Variants in FABP12 observed in about 807,000 individuals in gnomAD.
FABP12 encodes the protein fatty acid binding protein 12, also known as fatty acid-binding protein 12.
In FABP12, 19 loss-of-function variants were observed where a neutral mutation model predicts 13.7. The observed-to-expected ratio is 1.39, with a 90% CI of 0.97 to 2.04. FABP12 has a LOEUF of 2.04. Among genes scored for constraint, FABP12 ranks in the 30% most tolerant of loss-of-function variants. FABP12 has a pLI of 0.00. For synonymous variants in FABP12, 61 were observed against 57.0 expected, an observed-to-expected ratio of 1.07 and a Z score of -0.32; for missense variants, 182 against 164.2, an observed-to-expected ratio of 1.11 and a Z score of -0.59.
At chr8:81,539,007 C>G (rs1018214622) in intron 2 of FABP12, among the ~76,000 whole-genome samples, 1 of 152,044 alleles carries the variant, frequency 6.6e-6, no homozygotes, top group South Asian at 2.1e-4. Flanking sequence ...CACCACCACA[C>G]CCAGCTAATT....
chr8:81,575,563 C>A (rs1430495422), intron 1 of FABP12, among the ~76,000 whole-genome samples: 1 of 152,024 alleles, frequency 6.6e-6, no homozygotes, highest in African/African-American at 2.4e-5. Flanking sequence ...ATTGAAGTCC[C>A]CCACTATTAT....
chr8:81,581,607 C>T (rs532463552), intron 1 of FABP12, among the ~76,000 whole-genome samples: 1 of 152,082 alleles, frequency 6.6e-6, no homozygotes, highest in African/African-American at 2.4e-5. Flanking sequence ...TATAAAAGAA[C>T]CCCCATCAGA....
At chr8:81,558,102 A>G (rs1809652695) in intron 1 of FABP12, among the ~76,000 whole-genome samples, 1 of 152,188 alleles carries the variant, frequency 6.6e-6, no homozygotes, top group African/African-American at 2.4e-5. Context: ...CATGAGCATT[A>G]TTATTGGCAA....
upstream of FABP12, among the ~76,000 whole-genome samples, chr8:81,536,762 G>C (rs1809231943): frequency 6.6e-6 from 1 of 152,160 alleles, no homozygotes; most frequent in South Asian, 2.1e-4. Context: ...TCAGGGGTTG[G>C]CAAACTATGA....
At chr8:81,589,813 T>C (rs76654266) in intron 1 of FABP12, among the ~76,000 whole-genome samples, 3,839 of 152,240 alleles carry the variant, frequency 0.025, 127 homozygotes, top group African/African-American at 0.077. Context: ...TGGCTCTGAG[T>C]GGTCTCTCTC....
At chr8:81,539,445 T>A in intron 2 of FABP12, among the ~76,000 whole-genome samples, 1 of 143,070 alleles carries the variant, frequency 7.0e-6, no homozygotes, top group South Asian at 2.2e-4. Context: ...TTTTTTTTTT[T>A]TTTTTTTTTT....
chr8:81,538,759 G>T (rs749640934), upstream of FABP12, among the ~76,000 whole-genome samples: 8 of 152,154 alleles, frequency 5.3e-5, no homozygotes, highest in Non-Finnish European at 1.0e-4. Context: ...GCAATTTGTT[G>T]TGGCAACCCC....
At chr8:81,543,183 A>G (rs1809379935) in intron 1 of FABP12, among the ~76,000 whole-genome samples, 1 of 152,220 alleles carries the variant, frequency 6.6e-6, no homozygotes, top group South Asian at 2.1e-4. Flanking sequence ...TGGCTTTGTG[A>G]TCATACATGT....
At chr8:81,538,251 A>G (rs535010537), upstream of FABP12, among the ~76,000 whole-genome samples, 13 of 152,186 alleles carry the variant, frequency 8.5e-5, no homozygotes, top group Non-Finnish European at 1.9e-4. Context: ...ACCAGGCCCC[A>G]CCTCCAACAC....
chr8:81,585,793 C>A (rs11985644), intron 1 of FABP12, among the ~76,000 whole-genome samples: 2,908 of 152,130 alleles, frequency 0.019, 63 homozygotes, highest in African/African-American at 0.056. Flanking sequence ...TCATTAACTT[C>A]TTTGATTAAA....
At chr8:81,529,957 C>G (rs1809021011) in intron 2 of FABP12, among the ~76,000 whole-genome samples, 1 of 152,188 alleles carries the variant, frequency 6.6e-6, no homozygotes. Context: ...TCAACTATCT[C>G]CCTATTTTAA....
In FABP12 at chr8:81,531,248, T is replaced by A. The variant is rs777417032; in HGVS notation, c.68A>T (p.Glu23Val). 13 of 1,605,394 alleles carry A rather than the reference T, an allele frequency of 8.1e-6. No homozygotes were observed. In the Admixed American group the frequency reaches 2.2e-4, roughly 27 times the overall value. ...TGCAAGTAAACATAGCTCACCCAGC[T>A]CCTTCATGTAGTCTTCGGAATTTTC... The change falls in exon 2 of 5, where the codon GAG becomes GTG. Residue 23 changes from glutamate to valine, a missense_variant. Coordinates refer to ENST00000360464, the Ensembl canonical transcript of FABP12.
At chr8:81,571,049 C>T (rs1187584427) in intron 1 of FABP12, among the ~76,000 whole-genome samples, 1 of 39,602 alleles carries the variant, frequency 2.5e-5, no homozygotes, top group Non-Finnish European at 4.9e-5. Context: ...CACCCTCAGG[C>T]CCCCACTCAG....
chr8:81,539,537 G>A (rs937401968), intron 2 of FABP12, among the ~76,000 whole-genome samples: 10 of 137,214 alleles, frequency 7.3e-5, no homozygotes, highest in Admixed American at 3.3e-4. Flanking sequence ...CATCTTTTGC[G>A]TGAATACTGA....
intron 1 of FABP12, among the ~76,000 whole-genome samples, chr8:81,542,866 A>C (rs1461962637): frequency 2.6e-5 from 4 of 152,218 alleles, no homozygotes; most frequent in African/African-American, 9.6e-5. Flanking sequence ...ATCAGTGATT[A>C]AAACAGTTGC....
intron 1 of FABP12, among the ~76,000 whole-genome samples, chr8:81,584,864 A>G (rs1413719857): frequency 6.6e-6 from 1 of 152,152 alleles, no homozygotes; most frequent in East Asian, 1.9e-4. Flanking sequence ...GATGATATCT[A>G]TTATAGTTTT....
intron 2 of FABP12, among the ~76,000 whole-genome samples, chr8:81,530,128 G>A (rs957299472): frequency 3.3e-5 from 5 of 152,016 alleles, no homozygotes; most frequent in African/African-American, 1.2e-4. Context: ...TTTACCATTT[G>A]AAGTTACAAT....
intron 1 of FABP12, among the ~76,000 whole-genome samples, chr8:81,549,916 T>C (rs1425919218): frequency 6.6e-6 from 1 of 152,200 alleles, no homozygotes; most frequent in Non-Finnish European, 1.5e-5. Flanking sequence ...CCAGTGCCAC[T>C]AGACAGATAG....
chr8:81,529,050 A>G (rs1808985335), intron 3 of FABP12, among the ~76,000 whole-genome samples: 1 of 152,190 alleles, frequency 6.6e-6, no homozygotes, highest in African/African-American at 2.4e-5. Flanking sequence ...TCACGGTGGC[A>G]TAACCTTACC....
Sources: gnomAD v4.1 joint callset for allele counts (sites outside exome capture counted in the v4.1 genomes callset) on GRCh38, gnomAD v4.1.1 for gene constraint, MANE v1.5 for transcripts, NCBI Gene and HGNC (gene_info 2026-07-23, HGNC 2026-07-21) for gene names.